DIP2C: variants seen among roughly 807,000 people sequenced by gnomAD.
The protein encoded by DIP2C is disco-interacting protein 2 homolog C.
Under a neutral mutation model 192.4 loss-of-function variants are expected in DIP2C, and 33 were observed. The ratio of observed to expected loss-of-function variants is 0.17; its 90% CI spans 0.13 to 0.23. DIP2C has a LOEUF of 0.23. Ranked by LOEUF, DIP2C falls within the 10% of genes least tolerant of loss-of-function variation. The pLI is 1.00. For missense variants in DIP2C, 1,537 were observed against 2,110.1 expected (o/e 0.73, Z 5.32); for synonymous variants, 979 against 864.1 (o/e 1.13, Z -2.33).
chr10:548,899 A>G (rs1228269403), intron 1 of DIP2C, among the ~76,000 whole-genome samples: 2 of 141,612 alleles, frequency 1.4e-5, no homozygotes, highest in African/African-American at 5.4e-5. Flanking sequence ...TGCAGGAAAA[A>G]ATAGCAGCTC....
At chr10:492,163 G>A (rs761111277) in intron 1 of DIP2C, among the ~76,000 whole-genome samples, 28 of 152,202 alleles carry the variant, frequency 1.8e-4, no homozygotes, top group Non-Finnish European at 3.5e-4. Flanking sequence ...CCAGCTCTGG[G>A]GCTGAGGCTC....
At chr10:573,028 GCAT>G (rs1849922530) in intron 1 of DIP2C, among the ~76,000 whole-genome samples, 1 of 151,912 alleles carries the variant, frequency 6.6e-6, no homozygotes, top group South Asian at 2.1e-4. Context: ...TCAGCAAATA[GCAT>G]CATCCACCCA....
chr10:512,678 T>C lies in DIP2C; in HGVS notation c.86-26148A>G, dbSNP rs775880786. Reference sequence around the variant, plus strand: ...CCTGGAATCCCAGCACTTTGGAAGGTCGGGGTGGGCAGATCACCTGAGGTC... The same window carrying C: ...CCTGGAATCCCAGCACTTTGGAAGGCCGGGGTGGGCAGATCACCTGAGGTC... On this transcript the variant is annotated intron_variant, in intron 1 of 36. Transcript: ENST00000280886. 3.6e-4 allele frequency among the ~76,000 whole-genome samples: 54 copies of C among 151,674 alleles called. 1 individual carries two copies. Among genetic ancestry groups the C allele is most frequent in the Non-Finnish European group, 7.4e-5 (5 of 67,924 alleles).
chr10:412,731 T>A (rs1231103921), intron 8 of DIP2C, among the ~76,000 whole-genome samples: 1 of 152,222 alleles, frequency 6.6e-6, no homozygotes, highest in African/African-American at 2.4e-5. Context: ...CATCTGGCTT[T>A]TGACCTCCAT....
At chr10:304,555 G>GCACA (rs56181109) in intron 32 of DIP2C, among the ~76,000 whole-genome samples, 56 of 150,680 alleles carry the variant, frequency 3.7e-4, no homozygotes, top group African/African-American at 1.3e-3. Flanking sequence ...GCACACGAAT[G>GCACA]CACACACACA....
At chr10:681,508 G>A (rs912826624) in intron 1 of DIP2C, among the ~76,000 whole-genome samples, 5 of 151,598 alleles carry the variant, frequency 3.3e-5, no homozygotes. Flanking sequence ...ACCACCTGCG[G>A]CCACAGAAAT....
rs58517389 is a variant in DIP2C at position 560,303 on chromosome 10, T to C, written c.86-73773A>G. ...AGGGGAGGTTCGGAGAATGAGGCCA[T>C]GTGAACACAAAGCTAAAGTGCTCAG... On this transcript the variant is annotated intron_variant, in intron 1 of 36. Coordinates refer to ENST00000280886, the MANE Select transcript of DIP2C (RefSeq NM_014974.3). Among the ~76,000 whole-genome samples the C allele has an allele frequency of 4.9e-3, 752 of 151,954 alleles. 8 individuals are homozygous for C. Among genetic ancestry groups the C allele is most frequent in the African/African-American group, 0.017 (703 of 41,394 alleles).
At chr10:503,477 G>A (rs1845391905) in intron 1 of DIP2C, among the ~76,000 whole-genome samples, 2 of 152,036 alleles carry the variant, frequency 1.3e-5, no homozygotes, top group Admixed American at 6.5e-5. Context: ...AACTACAAGG[G>A]AGAAACAAAT....
intron 4 of DIP2C, among the ~76,000 whole-genome samples, chr10:431,668 A>G (rs1966856949): frequency 6.6e-6 from 1 of 152,218 alleles, no homozygotes; most frequent in African/African-American, 2.4e-5. Context: ...GATCTTCTAC[A>G]TAGGCAAACA....
At chr10:395,098 G>T (rs1000965934) in intron 10 of DIP2C, among the ~76,000 whole-genome samples, 1 of 116,924 alleles carries the variant, frequency 8.6e-6, no homozygotes, top group African/African-American at 3.0e-5. Context: ...ACGAGGGCTG[G>T]GGGGGAGGGA....
At chr10:387,644 G>A in intron 14 of DIP2C, 101 bp downstream of exon 14, 1 of 996,936 alleles carries the variant, frequency 1.0e-6, no homozygotes, top group Non-Finnish European at 1.6e-6. Flanking sequence ...GGGGACTCCT[G>A]TGTGGACAGA....
chr10:618,602 AAAT>A (rs869066338), intron 1 of DIP2C, among the ~76,000 whole-genome samples: 11 of 18,704 alleles, frequency 5.9e-4, no homozygotes, highest in Admixed American at 1.2e-3. Flanking sequence ...CATGACTACT[AAAT>A]AATGATTTTT....
At chr10:320,015 T>C (rs1012314237) in intron 31 of DIP2C, among the ~76,000 whole-genome samples, 2 of 152,200 alleles carry the variant, frequency 1.3e-5, no homozygotes, top group Admixed American at 6.5e-5. Context: ...CCAGACTTCC[T>C]ATTTGAGAGG....
chr10:365,697 C>T (rs2132745251), intron 19 of DIP2C, among the ~76,000 whole-genome samples: 1 of 152,372 alleles, frequency 6.6e-6, no homozygotes, highest in Admixed American at 6.5e-5. Context: ...CTGAGCCCTT[C>T]ATTACACAGC....
At chr10:459,581 T>A (rs369248362) in intron 3 of DIP2C, among the ~76,000 whole-genome samples, 17 of 152,236 alleles carry the variant, frequency 1.1e-4, no homozygotes, top group East Asian at 3.9e-4. Context: ...GGGAACCACA[T>A]GCTGCACGTG....
chr10:588,181 G>A (rs1209138582), intron 1 of DIP2C, among the ~76,000 whole-genome samples: 131 of 79,382 alleles, frequency 1.7e-3, no homozygotes, highest in South Asian at 3.4e-3. Flanking sequence ...CTGACCCTGC[G>A]GAAACCCCAC....
At chr10:571,499 C>G (rs1391778555) in intron 1 of DIP2C, among the ~76,000 whole-genome samples, 1 of 151,976 alleles carries the variant, frequency 6.6e-6, no homozygotes, top group Non-Finnish European at 1.5e-5. Flanking sequence ...CTCCCTCCCC[C>G]TTTCACTTCC....
chr10:436,629 A>C (rs1007774621), intron 4 of DIP2C, among the ~76,000 whole-genome samples: 1 of 148,142 alleles, frequency 6.8e-6, no homozygotes, highest in Non-Finnish European at 1.5e-5. Context: ...CACCTCCTGG[A>C]CGTGGTAGGG....
In DIP2C at chr10:479,257, GAAC is replaced by G. The variant is rs143416566; in HGVS notation, c.158-6711_158-6709del. ...ATTTTCCTTGTATTCACTGGGATGG[GAAC>G]ATCATACAATGGTAAGACTGAAATT... On this transcript the variant is annotated intron_variant, in intron 2 of 36. Coordinates refer to ENST00000280886, the MANE Select transcript of DIP2C (RefSeq NM_014974.3). Among the ~76,000 whole-genome samples, 1,415 of 150,998 alleles carry G rather than the reference GAAC, an allele frequency of 9.4e-3. 26 individuals carry two copies. Among genetic ancestry groups the G allele is most frequent in the African/African-American group, 0.033 (1,364 of 41,116 alleles).
Sources: allele counts gnomAD v4.1 joint callset (sites outside exome capture counted in the v4.1 genomes callset), GRCh38; gene constraint gnomAD v4.1.1; transcripts MANE v1.5; gene names NCBI Gene and HGNC (gene_info 2026-07-23, HGNC 2026-07-21).